The following VNN1 variants were observed in gnomAD, a reference collection of about 807,000 sequenced individuals.
The protein encoded by VNN1 is vanin 1, also known as pantetheinase.
In VNN1, 29 loss-of-function variants were observed where a neutral mutation model predicts 41.9. That is an observed-to-expected ratio of 0.69 (90% CI 0.52 to 0.94). VNN1 has a LOEUF of 0.94. Ranked by LOEUF, VNN1 falls within the 40% of genes least tolerant of loss-of-function variation. The probability of loss-of-function intolerance (pLI) is 0.00; values close to 1 mark genes in which losing one functional copy is unlikely to be tolerated. For synonymous variants in VNN1, 233 were observed against 224.4 expected, an observed-to-expected ratio of 1.04 and a Z score of -0.34; for missense variants, 637 against 621.1, an observed-to-expected ratio of 1.03 and a Z score of -0.27.
intron 2 of VNN1, 64 bp from the exon 3 acceptor site, chr6:132,694,246 T>C: frequency 6.9e-7 from 1 of 1,447,156 alleles, no homozygotes; most frequent in Non-Finnish European, 9.3e-7. Flanking sequence ...AACAAAATCC[T>C]GAATGATAGT....
rs533087827 is a variant in VNN1 at position 132,682,012 on chromosome 6, T to A, written c.*1128A>T. ...TAGTGCTCAGAGTCTATCAGTCAGT[T>A]GGGAGATATTTTGGCTTAAATGATG... On this transcript the variant is annotated 3_prime_UTR_variant, in exon 7 of 7. Coordinates refer to ENST00000367928, the MANE Select transcript of VNN1 (RefSeq NM_004666.3). 6.6e-6 allele frequency: 1 copy of A among 152,364 alleles called. No homozygotes were observed. Among genetic ancestry groups the A allele is most frequent in the Non-Finnish European group, 1.5e-5 (1 of 68,044 alleles). The allele number at this position is 152,364 out of a possible 1,614,324, so 9.4% of individuals were successfully genotyped here.
At chr6:132,689,239 A>C (rs547074953) in intron 5 of VNN1, among the ~76,000 whole-genome samples, 1 of 152,152 alleles carries the variant, frequency 6.6e-6, no homozygotes, top group Non-Finnish European at 1.5e-5. Flanking sequence ...TAGACCTACA[A>C]AGGCAATCAA....
chr6:132,701,573 A>T (rs1778449540), intron 2 of VNN1, among the ~76,000 whole-genome samples: 1 of 152,218 alleles, frequency 6.6e-6, no homozygotes. Context: ...AGGAAGAAAT[A>T]AAAGATGAGG....
intron 5 of VNN1, among the ~76,000 whole-genome samples, chr6:132,688,800 G>T (rs1025156839): frequency 2.6e-5 from 4 of 152,038 alleles, no homozygotes; most frequent in Admixed American, 2.6e-4. Context: ...ATTTCCAGTT[G>T]TTGGACATTT....
Position 132,692,280 on chromosome 6 carries a change from C to G in VNN1, c.1131G>C (p.Val377=). ...YKMSENIPNE[V]YALGAFDGLH... ...GTCCGTCAAATGCCCCTAGAGCGTA[C>G]ACTTCATTTGGTATGTTCTCAGACA... The change falls in exon 5 of 7, where the codon GTG becomes GTC. Residue 377 remains valine, a synonymous_variant. Coordinates refer to ENST00000367928, the MANE Select transcript of VNN1 (RefSeq NM_004666.3). 1 of 1,613,816 alleles carries G rather than the reference C, an allele frequency of 6.2e-7. No individual in the cohort carries two copies. Among genetic ancestry groups the G allele is most frequent in the Non-Finnish European group, 8.5e-7 (1 of 1,179,862 alleles).
intron 2 of VNN1, among the ~76,000 whole-genome samples, chr6:132,698,124 G>A (rs1778397617): frequency 6.6e-6 from 1 of 152,218 alleles, no homozygotes; most frequent in South Asian, 2.1e-4. Context: ...AATTCAGTTT[G>A]CTTATGGTGC....
At chr6:132,685,339 GC>G (rs1166296421) in intron 5 of VNN1, among the ~76,000 whole-genome samples, 1 of 152,142 alleles carries the variant, frequency 6.6e-6, no homozygotes, top group East Asian at 1.9e-4. Flanking sequence ...TTCATCTCTT[GC>G]TTGACTAAAG....
chr6:132,688,410 A>T (rs938769702), intron 5 of VNN1, among the ~76,000 whole-genome samples: 7 of 152,324 alleles, frequency 4.6e-5, no homozygotes, highest in Admixed American at 3.9e-4. Context: ...TAGATGAAAT[A>T]TCACCGTCTA....
chr6:132,697,039 A>G (rs1778384701), intron 2 of VNN1, among the ~76,000 whole-genome samples: 1 of 152,090 alleles, frequency 6.6e-6, no homozygotes, highest in African/African-American at 2.4e-5. Context: ...CGGGAGGTGG[A>G]GCTTGCAGTG....
chr6:132,708,682 C>T (rs555104204), intron 2 of VNN1, among the ~76,000 whole-genome samples: 166 of 152,274 alleles, frequency 1.1e-3, no homozygotes, highest in African/African-American at 3.2e-3. Context: ...AAACTTTATT[C>T]GGAATCTGTC....
intron 2 of VNN1, among the ~76,000 whole-genome samples, chr6:132,703,799 C>T (rs1778481146): frequency 6.6e-6 from 1 of 151,942 alleles, no homozygotes. Context: ...TGGCAATGGT[C>T]GATTGTGTAC....
At chr6:132,686,182 C>T (rs1778204072) in intron 5 of VNN1, among the ~76,000 whole-genome samples, 1 of 152,162 alleles carries the variant, frequency 6.6e-6, no homozygotes, top group African/African-American at 2.4e-5. Context: ...AGCAGTGGCT[C>T]CCACCTGTAA....
At chr6:132,709,531 T>G (rs1435638854) in intron 2 of VNN1, among the ~76,000 whole-genome samples, 3 of 151,776 alleles carry the variant, frequency 2.0e-5, no homozygotes, top group African/African-American at 7.3e-5. Context: ...ACTAGCTGGG[T>G]GTTGTGGCTC....
At chr6:132,710,139 C>T (rs1216259246) in intron 2 of VNN1, among the ~76,000 whole-genome samples, 1 of 152,046 alleles carries the variant, frequency 6.6e-6, no homozygotes, top group African/African-American at 2.4e-5. Context: ...ACCTCTGCCT[C>T]CCAGGTTCAA....
chr6:132,684,679 A>G (rs1258272227), intron 5 of VNN1, among the ~76,000 whole-genome samples, 174 bp from the exon 6 acceptor site: 1 of 152,102 alleles, frequency 6.6e-6, no homozygotes, highest in Non-Finnish European at 1.5e-5. Flanking sequence ...TTTTAAAGAT[A>G]AAAAATAGAA....
intron 2 of VNN1, among the ~76,000 whole-genome samples, chr6:132,706,128 C>T (rs991457392): frequency 6.6e-6 from 1 of 152,016 alleles, no homozygotes; most frequent in Non-Finnish European, 1.5e-5. Context: ...CATCAAAATA[C>T]CAATGTCATT....
At chr6:132,712,346 C>G (rs1778614191) in intron 1 of VNN1, among the ~76,000 whole-genome samples, 2 of 152,020 alleles carry the variant, frequency 1.3e-5, no homozygotes, top group Non-Finnish European at 2.9e-5. Context: ...GATGGGGTTT[C>G]TCCATATTGG....
chr6:132,708,232 C>T (rs1778547924), intron 2 of VNN1, among the ~76,000 whole-genome samples: 1 of 152,178 alleles, frequency 6.6e-6, no homozygotes, highest in Admixed American at 6.5e-5. Flanking sequence ...CTTCTCTTAG[C>T]TGCTCAGAAA....
intron 2 of VNN1, among the ~76,000 whole-genome samples, chr6:132,709,616 A>G (rs1377970779): frequency 6.6e-6 from 1 of 151,812 alleles, no homozygotes; most frequent in African/African-American, 2.4e-5. Context: ...GTGAGCTGAG[A>G]TCACGCCACT....
Sources: allele counts gnomAD v4.1 joint callset (sites outside exome capture counted in the v4.1 genomes callset), GRCh38; gene constraint gnomAD v4.1.1; transcripts MANE v1.5; gene names NCBI Gene and HGNC (gene_info 2026-07-23, HGNC 2026-07-21).